Variants in PTPRN2 observed in about 807,000 individuals in gnomAD.
The protein encoded by PTPRN2 is receptor-type tyrosine-protein phosphatase N2.
PTPRN2 carries 74 observed loss-of-function variants against 118.8 expected under a neutral mutation model. The ratio of observed to expected loss-of-function variants is 0.62; its 90% CI spans 0.52 to 0.76. The LOEUF is 0.76. Among genes scored for constraint, PTPRN2 ranks in the 30% least tolerant of loss-of-function variants. PTPRN2 has a pLI of 0.00. For synonymous variants in PTPRN2, 641 were observed against 608.0 expected (o/e 1.05, Z -0.80); for missense variants, 1,481 against 1,394.4 (o/e 1.06, Z -0.99).
At chr7:157,810,791 C>T (rs189404773) in intron 12 of PTPRN2, among the ~76,000 whole-genome samples, 401 of 146,776 alleles carry the variant, frequency 2.7e-3, no homozygotes, top group African/African-American at 9.0e-3. Context: ...ACAAGGACGG[C>T]AGGACTGCTG....
intron 2 of PTPRN2, among the ~76,000 whole-genome samples, chr7:158,488,664 C>T (rs538467466): frequency 8.5e-5 from 13 of 152,366 alleles, no homozygotes; most frequent in Non-Finnish European, 1.6e-4. Flanking sequence ...CAGCGCCCTG[C>T]CCTGCACCTC....
At chr7:158,416,444 CAT>C (rs1376602448) in intron 2 of PTPRN2, among the ~76,000 whole-genome samples, 11 of 152,248 alleles carry the variant, frequency 7.2e-5, no homozygotes, top group Admixed American at 6.5e-4. Context: ...CAAACCACCA[CAT>C]GTTAACAGCC....
intron 3 of PTPRN2, among the ~76,000 whole-genome samples, 199 bp downstream of exon 3, chr7:158,316,620 C>G (rs1355170409): frequency 6.6e-6 from 1 of 152,172 alleles, no homozygotes; most frequent in African/African-American, 2.4e-5. Context: ...GGCAGCAGGC[C>G]TGGGCTCCTC....
chr7:158,433,723 T>C (rs563523313), intron 2 of PTPRN2, among the ~76,000 whole-genome samples: 3 of 152,118 alleles, frequency 2.0e-5, no homozygotes, highest in Non-Finnish European at 4.4e-5. Context: ...TATATTCTTA[T>C]ATTTCTTTAA....
intron 12 of PTPRN2, among the ~76,000 whole-genome samples, chr7:157,878,726 C>T (rs1462919738): frequency 1.4e-5 from 2 of 139,212 alleles, no homozygotes; most frequent in East Asian, 2.2e-4. Flanking sequence ...GAGGAGCTCT[C>T]GGATTCCATG....
At chr7:157,848,761 G>A (rs921040525) in intron 12 of PTPRN2, among the ~76,000 whole-genome samples, 3 of 152,224 alleles carry the variant, frequency 2.0e-5, no homozygotes, top group East Asian at 1.9e-4. Flanking sequence ...CTGGCAGGTC[G>A]TCCACAGGAA....
rs1799128415 is a variant in PTPRN2 at position 157,560,433 on chromosome 7, CGCCTGTGCCCT to C, written c.2902+8458_2902+8468del. On this transcript the variant is annotated intron_variant, in intron 21 of 22. Transcript: ENST00000389418. This position sits in a 1 kb window ranked among gnomAD's most constrained non-coding sequence, Gnocchi z 6.7. Reference sequence around the variant, plus strand: ...CCACCAGGCGATCGACACCAGGGTCCGCCTGTGCCCTGCCTGGGTGGGGTCAGCCACGCCCC... The same window carrying C: ...CCACCAGGCGATCGACACCAGGGTCCGCCTGGGTGGGGTCAGCCACGCCCC... Among the ~76,000 whole-genome samples the C allele has an allele frequency of 1.3e-5, 2 of 152,304 alleles. No individual in the cohort carries two copies. Among genetic ancestry groups the C allele is most frequent in the African/African-American group, 4.8e-5 (2 of 41,554 alleles).
Position 158,167,245 on chromosome 7 carries a change from G to C in PTPRN2, c.596C>G (p.Thr199Arg), listed in dbSNP as rs199560003. 13 of 1,612,514 alleles carry C rather than the reference G, an allele frequency of 8.1e-6. No individual in the cohort carries two copies. Among genetic ancestry groups the C allele is most frequent in the Admixed American group, 1.7e-5 (1 of 59,884 alleles). ...SESILTYVAH[T>R]SALTYPPGSR... The stretch of plus-strand genomic sequence containing the variant: ...CCCGGGAGGGTAGGTCAGCGCAGAC[G>C]TGTGGGCCACATAGGTCAGGATGCT... The change falls in exon 6 of 23, where the codon ACG becomes AGG. Residue 199 changes from threonine (T) to arginine (R), a missense_variant. Coordinates refer to ENST00000389418, the MANE Select transcript of PTPRN2 (RefSeq NM_002847.5).
intron 2 of PTPRN2, among the ~76,000 whole-genome samples, chr7:158,396,603 G>C (rs1210401727): frequency 1.3e-5 from 2 of 151,890 alleles, no homozygotes; most frequent in African/African-American, 4.8e-5. Flanking sequence ...AGGCCACCCA[G>C]AGCTCTGAAG....
chr7:158,153,259 C>T (rs1821379741), intron 6 of PTPRN2, among the ~76,000 whole-genome samples: 1 of 152,220 alleles, frequency 6.6e-6, no homozygotes, highest in South Asian at 2.1e-4. Flanking sequence ...CAACCTTGCA[C>T]TTACTCTCCA....
At chr7:157,897,761 C>A (rs1031601263) in intron 12 of PTPRN2, among the ~76,000 whole-genome samples, 1 of 152,230 alleles carries the variant, frequency 6.6e-6, no homozygotes, top group Non-Finnish European at 1.5e-5. Flanking sequence ...GACGAGATTT[C>A]CCCACAGAAG....
chr7:158,495,304 T>C (rs1299012551), intron 1 of PTPRN2, among the ~76,000 whole-genome samples: 2 of 152,190 alleles, frequency 1.3e-5, no homozygotes, highest in African/African-American at 4.8e-5. Flanking sequence ...AAAAGGAAGG[T>C]GCAGTGTTTG....
At chr7:158,193,093 C>T (rs890447514) in intron 4 of PTPRN2, among the ~76,000 whole-genome samples, 9 of 152,222 alleles carry the variant, frequency 5.9e-5, no homozygotes, top group Admixed American at 6.5e-5. Context: ...ATTCACGCAC[C>T]GCCATCGCGT....
Position 157,898,745 on chromosome 7 carries a change from GA to G in PTPRN2, c.1724-9del. Reference sequence around the variant, plus strand: ...GTTTGTCTTTGTTGTCAACTGTTAGGAAAAATCAGAAAGCACAAGAGTCAGG... The same window carrying G: ...GTTTGTCTTTGTTGTCAACTGTTAGGAAAATCAGAAAGCACAAGAGTCAGG... On this transcript the variant is annotated splice_polypyrimidine_tract_variant and intron_variant, in intron 11 of 22. Transcript: ENST00000389418. The G allele has an allele frequency of 6.3e-7, 1 of 1,592,694 alleles. No homozygotes were observed. The highest frequency in any genetic ancestry group is 8.6e-7 in the Non-Finnish European group (1 of 1,160,466).
At chr7:158,507,171 C>A (rs969807998) in intron 1 of PTPRN2, among the ~76,000 whole-genome samples, 2 of 152,224 alleles carry the variant, frequency 1.3e-5, no homozygotes, top group East Asian at 3.8e-4. Context: ...GCAAGGACTG[C>A]ACACATGGAT....
intron 9 of PTPRN2, among the ~76,000 whole-genome samples, chr7:158,129,405 G>T (rs899102822): frequency 1.4e-5 from 2 of 140,466 alleles, no homozygotes; most frequent in African/African-American, 5.6e-5. Context: ...ACACACAACA[G>T]ACATGCAACA....
intron 12 of PTPRN2, among the ~76,000 whole-genome samples, chr7:157,877,523 G>T (rs960774663): frequency 6.6e-6 from 1 of 152,022 alleles, no homozygotes; most frequent in Non-Finnish European, 1.5e-5. Flanking sequence ...CCATGGTCAG[G>T]GTTTCCTCGG....
At chr7:157,737,964 C>T (rs1800400538) in intron 12 of PTPRN2, among the ~76,000 whole-genome samples, 1 of 152,236 alleles carries the variant, frequency 6.6e-6, no homozygotes, top group Non-Finnish European at 1.5e-5. Context: ...ATGCCTGGGT[C>T]AGAAGAGAGG....
At position 158,430,227 on chromosome 7, in the gene PTPRN2, C is replaced by T. The variant is rs1706799739; in HGVS notation, c.163+59508G>A. Among the ~76,000 whole-genome samples the T allele has an allele frequency of 2.0e-5, 3 of 152,254 alleles. No individual in the cohort carries two copies. The South Asian group carries it at 6.2e-4, about 32-fold the overall frequency. On this transcript the variant is annotated intron_variant, in intron 2 of 22. Coordinates refer to ENST00000389418, the MANE Select transcript of PTPRN2 (RefSeq NM_002847.5). ...AGCTGGGACATGAAGTTTTCTTAAA[C>T]AACAATGCTTTGTAAGGATCCCAAG...
Sources: gnomAD v4.1 joint callset for allele counts (sites outside exome capture counted in the v4.1 genomes callset) on GRCh38, gnomAD v4.1.1 for gene constraint, Gnocchi (gnomAD v3.1) non-coding constraint, MANE v1.5 for transcripts, NCBI Gene and HGNC (gene_info 2026-07-23, HGNC 2026-07-21) for gene names.